The following NTRK2 variants were observed in gnomAD, a reference collection of about 807,000 sequenced individuals.
NTRK2 encodes the protein neurotrophic receptor tyrosine kinase 2, also known as BDNF/NT-3 growth factors receptor.
A neutral mutation model predicts 94.5 loss-of-function variants in NTRK2; 13 were observed. The ratio of observed to expected loss-of-function variants is 0.14; its 90% CI spans 0.09 to 0.22. NTRK2 has a LOEUF of 0.22. Ranked by LOEUF, NTRK2 falls within the 10% of genes least tolerant of loss-of-function variation. NTRK2 has a pLI of 1.00. For missense variants in NTRK2, 639 were observed against 1,071.2 expected (o/e 0.60, Z 5.63); for synonymous variants, 372 against 407.4 (o/e 0.91, Z 1.05).
intron 14 of NTRK2, among the ~76,000 whole-genome samples, chr9:84,926,274 C>G (rs924336098): frequency 3.3e-5 from 5 of 149,534 alleles, no homozygotes; most frequent in African/African-American, 1.2e-4. Context: ...CTCTTGTTGC[C>G]CAGGATGGAG....
At chr9:84,799,668 G>A (rs931313862) in intron 12 of NTRK2, among the ~76,000 whole-genome samples, 7 of 152,188 alleles carry the variant, frequency 4.6e-5, no homozygotes, top group Middle Eastern at 3.4e-3. Context: ...CAGCATGGGA[G>A]GGCATTTTCA....
At chr9:84,758,968 A>T (rs1423239999) in intron 12 of NTRK2, among the ~76,000 whole-genome samples, 1 of 152,202 alleles carries the variant, frequency 6.6e-6, no homozygotes, top group Non-Finnish European at 1.5e-5. Flanking sequence ...TCAGAGAAAT[A>T]AGTTTTCACA....
At chr9:84,984,483 C>T (rs1828044363) in intron 17 of NTRK2, among the ~76,000 whole-genome samples, 1 of 97,288 alleles carries the variant, frequency 1.0e-5, no homozygotes, top group Non-Finnish European at 2.2e-5. Flanking sequence ...AACAAACAAA[C>T]AAACAAACAA....
At chr9:84,966,476 A>G (rs1199542134) in intron 17 of NTRK2, among the ~76,000 whole-genome samples, 2 of 152,122 alleles carry the variant, frequency 1.3e-5, no homozygotes, top group Non-Finnish European at 2.9e-5. Flanking sequence ...CTGCCACCCA[A>G]GCTGGAGTGT....
chr9:84,854,718 T>A (rs1281985528), intron 12 of NTRK2, among the ~76,000 whole-genome samples: 1 of 151,886 alleles, frequency 6.6e-6, no homozygotes, highest in Non-Finnish European at 1.5e-5. Context: ...AGGCCGAGGC[T>A]GGCGGATCAC....
chr9:84,945,888 A>C (rs2078582697), intron 15 of NTRK2, among the ~76,000 whole-genome samples: 1 of 152,168 alleles, frequency 6.6e-6, no homozygotes, highest in African/African-American at 2.4e-5. Flanking sequence ...TAAAGTGAAA[A>C]TAGTATTGAT....
intron 2 of NTRK2, among the ~76,000 whole-genome samples, chr9:84,684,575 CAA>C (rs1384103601): frequency 6.6e-6 from 1 of 152,106 alleles, no homozygotes; most frequent in Non-Finnish European, 1.5e-5. Context: ...AGTTGTTTTG[CAA>C]AGAGGTCACA....
chr9:84,807,625 C>T (rs1455290602), intron 12 of NTRK2, among the ~76,000 whole-genome samples: 3 of 152,172 alleles, frequency 2.0e-5, no homozygotes, highest in South Asian at 2.1e-4. Context: ...CTAGACAGCT[C>T]GTTTGGCTGC....
chr9:84,733,593 A>G (rs926107831), intron 9 of NTRK2, among the ~76,000 whole-genome samples: 1 of 152,140 alleles, frequency 6.6e-6, no homozygotes, highest in Admixed American at 6.5e-5. Context: ...CCATATAACA[A>G]AAGACACCCT....
chr9:84,972,665 C>T (rs1826321612), intron 17 of NTRK2, among the ~76,000 whole-genome samples: 1 of 152,062 alleles, frequency 6.6e-6, no homozygotes, highest in South Asian at 2.1e-4. Context: ...TAAATACTAC[C>T]AACTTGAAGT....
chr9:84,765,105 A>C (rs1224902766), intron 12 of NTRK2, among the ~76,000 whole-genome samples: 1 of 152,222 alleles, frequency 6.6e-6, no homozygotes, highest in Non-Finnish European at 1.5e-5. Flanking sequence ...AATGAGTACA[A>C]AAACACCAGA....
intron 12 of NTRK2, among the ~76,000 whole-genome samples, chr9:84,794,190 G>A (rs921866436): frequency 6.6e-6 from 1 of 152,188 alleles, no homozygotes; most frequent in Non-Finnish European, 1.5e-5. Context: ...CAGTAGATAC[G>A]AACCACATGT....
At chr9:84,818,611 A>AGTT (rs2072578305) in intron 12 of NTRK2, among the ~76,000 whole-genome samples, 1 of 152,272 alleles carries the variant, frequency 6.6e-6, no homozygotes. Flanking sequence ...AGCGCTAATT[A>AGTT]GTTAACCCCA....
intron 12 of NTRK2, among the ~76,000 whole-genome samples, chr9:84,859,597 C>T (rs1587710424): frequency 6.6e-6 from 1 of 152,070 alleles, no homozygotes; most frequent in Non-Finnish European, 1.5e-5. Context: ...GATCACATTG[C>T]CCTTCAGTGA....
intron 12 of NTRK2, among the ~76,000 whole-genome samples, chr9:84,850,235 A>G (rs1361434157): frequency 6.6e-6 from 1 of 152,136 alleles, no homozygotes; most frequent in African/African-American, 2.4e-5. Flanking sequence ...AAACAAAAAC[A>G]AAACATCAAA....
At chr9:84,934,056 G>A in intron 14 of NTRK2, 106 bp from the exon 15 acceptor site, 1 of 1,237,494 alleles carries the variant, frequency 8.1e-7, no homozygotes. Flanking sequence ...GCACAGAGGA[G>A]AGACTCTTGG....
At chr9:84,876,230 A>T (rs547470633) in intron 14 of NTRK2, 9 of 1,042,226 alleles carry the variant, frequency 8.6e-6, no homozygotes, top group Admixed American at 1.1e-4. Context: ...AGAGGACAGG[A>T]TAAAGCCCTA....
At chr9:84,684,397 C>T (rs1053078433) in intron 2 of NTRK2, among the ~76,000 whole-genome samples, 7 of 152,192 alleles carry the variant, frequency 4.6e-5, no homozygotes, top group Admixed American at 2.0e-4. Flanking sequence ...AGTCCAGTTT[C>T]AATTTTCTGC....
intron 17 of NTRK2, among the ~76,000 whole-genome samples, chr9:84,971,534 G>A (rs148802313): frequency 6.6e-6 from 1 of 152,336 alleles, no homozygotes; most frequent in East Asian, 1.9e-4. Context: ...AGGCCCCGTG[G>A]CAAGAGAAGC....
Sources: allele counts gnomAD v4.1 joint callset (sites outside exome capture counted in the v4.1 genomes callset), GRCh38; gene constraint gnomAD v4.1.1; transcripts MANE v1.5; gene names NCBI Gene and HGNC (gene_info 2026-07-23, HGNC 2026-07-21).